UBN2: variants seen among roughly 807,000 people sequenced by gnomAD.
UBN2 encodes ubinuclein 2.
UBN2 carries 35 observed loss-of-function variants against 120.2 expected under a neutral mutation model. That is an observed-to-expected ratio of 0.29 (90% CI 0.22 to 0.39). The LOEUF is 0.39. UBN2 is among the 10% of genes least tolerant of loss of function. UBN2 has a pLI of 1.00. For synonymous variants in UBN2, 661 were observed against 648.7 expected (o/e 1.02, Z -0.29); for missense variants, 1,693 against 1,663.2 (o/e 1.02, Z -0.31).
At chr7:139,328,890 A>G in the UBN2 span, among the ~76,000 whole-genome samples, 4 of 151,894 alleles carry the variant, frequency 2.6e-5, no homozygotes, top group Non-Finnish European at 5.9e-5. Context: ...GAAATTAGAA[A>G]CCCATCAGTA....
chr7:139,251,082 G>T (rs1374612801), intron 2 of UBN2, among the ~76,000 whole-genome samples: 3 of 152,116 alleles, frequency 2.0e-5, no homozygotes, highest in African/African-American at 7.2e-5. Flanking sequence ...TCCAGCCTGG[G>T]TGACAGAGTG....
intron 2 of UBN2, among the ~76,000 whole-genome samples, chr7:139,247,213 A>C (rs1796495518): frequency 6.6e-6 from 1 of 152,122 alleles, no homozygotes. Context: ...ATCATTTTGC[A>C]TTCCTGCTAG....
chr7:139,282,033 A>G lies in UBN2; in HGVS notation c.2096A>G (p.His699Arg). The G allele has an allele frequency of 1.2e-6, 2 of 1,613,452 alleles. No individual in the cohort carries two copies. Among genetic ancestry groups the G allele is most frequent in the Non-Finnish European group, 1.7e-6 (2 of 1,179,558 alleles). ...GTGATGGTAAAGACCCTTCCTCTCC[A>G]TTCTTTCCCCACTATGCTTAAGGTA... ...KEVMVKTLPL[H>R]SFPTMLKECS... is the part of the protein sequence containing the mutation. The change falls in exon 14 of 18, where the codon CAT becomes CGT. Residue 699 changes from histidine to arginine, a missense_variant. By Grantham distance (29) the His-to-Arg change is conservative. Transcript: ENST00000473989.
At position 139,231,733 on chromosome 7, in the gene UBN2, C is replaced by T. The variant is rs1331822770; in HGVS notation, c.249C>T (p.Pro83=). The part of the protein sequence containing the change: ...PQREVSRAEP[P]MSLQREPPRP... ...GCGAGGTCAGCCGCGCCGAGCCGCCCATGTCGCTGCAGCGGGAGCCCCCGC... is the reference window on the plus strand; with the variant it reads ...GCGAGGTCAGCCGCGCCGAGCCGCCTATGTCGCTGCAGCGGGAGCCCCCGC... The change falls in exon 1 of 18, where the codon CCC becomes CCT. Residue 83 remains proline, a synonymous_variant. Transcript: ENST00000473989. The T allele has an allele frequency of 1.7e-6, 2 of 1,198,268 alleles. No individual in the cohort carries two copies. The highest frequency in any genetic ancestry group is 1.6e-5 in the African/African-American group (1 of 61,114). The allele number at this position is 1,198,268 out of a possible 1,614,324, so 74.2% of individuals were successfully genotyped here. A position where few individuals can be genotyped will look rare whatever the true frequency, so the allele number is the denominator to read the frequency against.
chr7:139,273,462 C>A, intron 10 of UBN2, 52 bp downstream of exon 10: 2 of 1,208,696 alleles, frequency 1.7e-6, no homozygotes, highest in Non-Finnish European at 2.3e-6. Context: ...AGTAAGATTC[C>A]TCATTAAAAA....
In UBN2 at chr7:139,259,352, A is replaced by C. The variant is rs1325985324; in HGVS notation, c.887A>C (p.Lys296Thr). ...GAAAAGGAGAAGAAGCCAAGGAAAA[A>C]AGTTCCCAAACAACTGGGGTACGTT... ...EGEKEKKPRK[K>T]VPKQLGVVAL... Residue 296 changes from lysine (K) to threonine (T), a missense_variant, in exon 5 of 18, where the codon AAA (lysine) becomes ACA (threonine). Coordinates refer to ENST00000473989, the MANE Select transcript of UBN2 (RefSeq NM_173569.4). 2 of 1,613,974 alleles carry C rather than the reference A, an allele frequency of 1.2e-6. No individual in the cohort carries two copies. The highest frequency in any genetic ancestry group is 2.2e-5 in the South Asian group (2 of 91,050).
chr7:139,256,342 A>G (rs772105714), intron 3 of UBN2, among the ~76,000 whole-genome samples: 5 of 152,220 alleles, frequency 3.3e-5, no homozygotes, highest in Admixed American at 6.5e-5. Flanking sequence ...TTATTTCAGA[A>G]GTTTTTTTCT....
chr7:139,264,739 G>A (rs1797046160), intron 6 of UBN2, among the ~76,000 whole-genome samples: 1 of 152,090 alleles, frequency 6.6e-6, no homozygotes, highest in Non-Finnish European at 1.5e-5. Flanking sequence ...GAAGGTGCAT[G>A]CCACCACACC....
intron 15 of UBN2, among the ~76,000 whole-genome samples, chr7:139,288,607 G>C (rs1797855262): frequency 6.6e-6 from 1 of 152,154 alleles, no homozygotes; most frequent in Admixed American, 6.6e-5. Flanking sequence ...TTCTTAAACA[G>C]GGGACTGATA....
chr7:139,245,008 A>G (rs889140236), intron 2 of UBN2, among the ~76,000 whole-genome samples: 2 of 151,360 alleles, frequency 1.3e-5, no homozygotes, highest in African/African-American at 4.9e-5. Context: ...ATCATAGCTC[A>G]CTGCAGCCTT....
At chr7:139,260,641 G>A (rs1011277826) in intron 5 of UBN2, among the ~76,000 whole-genome samples, 7 of 151,958 alleles carry the variant, frequency 4.6e-5, no homozygotes, top group African/African-American at 1.5e-4. Context: ...GATTGATGTC[G>A]GGCGTATTTC....
At position 139,274,762 on chromosome 7, in the gene UBN2, C is replaced by CA. The variant is rs1158405890; in HGVS notation, c.1973+702dup. On this transcript the variant is annotated intron_variant, in intron 11 of 17. Transcript: ENST00000473989. ...GGGCAACAAGAGCGAAACTCCGTCT[C>CA]AAAAAAAAAAAAAAGAAAAAGAAAA... Among the ~76,000 whole-genome samples the CA allele has an allele frequency of 8.3e-3, 641 of 77,336 alleles. 5 individuals are homozygous for CA. The highest frequency in any genetic ancestry group is 0.048 in the South Asian group (127 of 2,662). 50.7% of individuals were successfully genotyped at this position (77,336 alleles called of 152,430 possible). A position where few individuals can be genotyped will look rare whatever the true frequency, so the allele number is the denominator to read the frequency against.
chr7:139,256,436 G>T (rs1166233432), intron 3 of UBN2, among the ~76,000 whole-genome samples: 1 of 152,098 alleles, frequency 6.6e-6, no homozygotes, highest in Non-Finnish European at 1.5e-5. Context: ...TGGGTTGGAG[G>T]CAGCCACTGA....
chr7:139,233,561 C>A (rs1245420968), intron 1 of UBN2, among the ~76,000 whole-genome samples: 1 of 152,134 alleles, frequency 6.6e-6, no homozygotes, highest in Non-Finnish European at 1.5e-5. Context: ...AAACTATTAT[C>A]CTCACTTTAC....
chr7:139,278,769 A>G (rs1347492883), intron 12 of UBN2, among the ~76,000 whole-genome samples: 2 of 152,186 alleles, frequency 1.3e-5, no homozygotes, highest in East Asian at 3.8e-4. Context: ...TTAATTATTC[A>G]ACAAACATTT....
chr7:139,288,526 C>T (rs1286324098), intron 15 of UBN2, among the ~76,000 whole-genome samples: 1 of 152,092 alleles, frequency 6.6e-6, no homozygotes, highest in Non-Finnish European at 1.5e-5. Context: ...AGAACCATGT[C>T]ATGGAGGACC....
rs558886556 is a variant in UBN2 at position 139,255,945 on chromosome 7, A to C, written c.664-2543A>C. Among the ~76,000 whole-genome samples the C allele has an allele frequency of 7.9e-5, 12 of 152,292 alleles. No homozygotes were observed. In the East Asian group the frequency reaches 1.9e-3, roughly 24 times the overall value. ...ATAGTCTCTTTTAAATTTCACTAGAACTTTGTGAAGTAATATTGTCCCTGT... is the reference window on the plus strand; with the variant it reads ...ATAGTCTCTTTTAAATTTCACTAGACCTTTGTGAAGTAATATTGTCCCTGT... On this transcript the variant is annotated intron_variant, in intron 3 of 17. Transcript: ENST00000473989.
chr7:139,251,829 G>A, intron 2 of UBN2, 127 bp from the exon 3 acceptor site: 1 of 721,766 alleles, frequency 1.4e-6, no homozygotes, highest in South Asian at 1.7e-5. Flanking sequence ...CAAGGTGTGG[G>A]AGGACTTAAA....
chr7:139,325,903 G>T, the UBN2 span, among the ~76,000 whole-genome samples: 1 of 152,126 alleles, frequency 6.6e-6, no homozygotes, highest in Admixed American at 6.5e-5. Context: ...TTAAAAACAT[G>T]GGCATTGCAC....
Sources: allele counts gnomAD v4.1 joint callset (sites outside exome capture counted in the v4.1 genomes callset), GRCh38; gene constraint gnomAD v4.1.1; transcripts MANE v1.5; gene names NCBI Gene and HGNC (gene_info 2026-07-23, HGNC 2026-07-21).